NOTCH1: variants seen among roughly 807,000 people sequenced by gnomAD.
NOTCH1 encodes the protein notch receptor 1.
NOTCH1 carries 37 observed loss-of-function variants against 254.8 expected under a neutral mutation model. The ratio of observed to expected loss-of-function variants is 0.15; its 90% CI spans 0.11 to 0.19. The LOEUF (loss-of-function observed/expected upper bound fraction) is 0.19, where lower values mean the gene tolerates loss of function less well. Ranked by LOEUF, NOTCH1 falls within the 10% of genes least tolerant of loss-of-function variation. The pLI is 1.00. For missense variants in NOTCH1, 2,972 were observed against 3,708.6 expected (o/e 0.80, Z 5.16); for synonymous variants, 1,731 against 1,618.1 (o/e 1.07, Z -1.68).
intron 2 of NOTCH1, among the ~76,000 whole-genome samples, chr9:136,527,047 G>A (rs949876608): frequency 6.6e-6 from 1 of 152,226 alleles, no homozygotes; most frequent in African/African-American, 2.4e-5. Flanking sequence ...TAGCTGGGGG[G>A]AACCGGGCCG....
chr9:136,524,644 T>TTC, intron 2 of NOTCH1, among the ~76,000 whole-genome samples: 1 of 143,920 alleles, frequency 6.9e-6, no homozygotes, highest in African/African-American at 2.6e-5. Flanking sequence ...CTTTTCTTTT[T>TTC]TTTTTTTTTT....
intron 27 of NOTCH1, chr9:136,502,767 C>T (rs931376983): frequency 1.4e-5 from 8 of 570,856 alleles, no homozygotes; most frequent in South Asian, 4.1e-5. Context: ...TCGCTGCACT[C>T]GCACTGAGCT....
Position 136,502,437 on chromosome 9 carries a change from G to A in NOTCH1, c.5219C>T (p.Ala1740Val), listed in dbSNP as rs777962754. The change falls in exon 28 of 34, where the codon GCG becomes GTG. Residue 1740 changes from alanine to valine, a missense_variant. Ala to Val is a moderately conservative substitution (Grantham distance 64). Coordinates refer to ENST00000651671, the MANE Select transcript of NOTCH1 (RefSeq NM_017617.5). ...GAACAGAAGCACAAAGGCGGCCGCC[G>A]CCACGTACATGAAGTGCAGCTGCGC... ...PPAQLHFMYV[A>V]AAAFVLLFFV... The A allele has an allele frequency of 2.6e-5, 41 of 1,607,372 alleles. No homozygotes were observed. The highest frequency in any genetic ancestry group is 2.2e-4 in the East Asian group (10 of 44,740).
chr9:136,533,389 T>C (rs1288716475), intron 2 of NOTCH1, among the ~76,000 whole-genome samples: 2 of 152,220 alleles, frequency 1.3e-5, no homozygotes, highest in African/African-American at 2.4e-5. Flanking sequence ...AAACCTCTCA[T>C]TTCCAGTAAC....
chr9:136,526,091 C>T (rs1009566819), intron 2 of NOTCH1, among the ~76,000 whole-genome samples: 15 of 152,228 alleles, frequency 9.9e-5, no homozygotes, highest in African/African-American at 1.4e-4. Flanking sequence ...CCCATGTGGC[C>T]GGTCACTCCG....
chr9:136,510,618 T>G, intron 17 of NOTCH1, 35 bp downstream of exon 17: 8 of 1,591,824 alleles, frequency 5.0e-6, no homozygotes, highest in Non-Finnish European at 6.8e-6. Flanking sequence ...GCCTGAGAGC[T>G]TCCTGGAGGA....
At chr9:136,528,488 G>A (rs1268647654) in intron 2 of NOTCH1, among the ~76,000 whole-genome samples, 6 of 142,858 alleles carry the variant, frequency 4.2e-5, no homozygotes, top group South Asian at 4.5e-4. Context: ...GGGACAGTGC[G>A]GGGAATGGGC....
chr9:136,542,050 A>C (rs1843739964), intron 2 of NOTCH1, among the ~76,000 whole-genome samples: 1 of 152,208 alleles, frequency 6.6e-6, no homozygotes, highest in African/African-American at 2.4e-5. Flanking sequence ...AGGTTTGGGG[A>C]ATGGGAAAGT....
intron 26 of NOTCH1, 46 bp downstream of exon 26, chr9:136,504,627 C>T (rs934182455): frequency 6.8e-7 from 1 of 1,473,230 alleles, no homozygotes; most frequent in Non-Finnish European, 9.0e-7. Context: ...CGGGGAGGGC[C>T]CAGGAGAGTT....
intron 2 of NOTCH1, among the ~76,000 whole-genome samples, chr9:136,535,568 TGG>T (rs1401115582): frequency 1.6e-3 from 38 of 23,620 alleles, no homozygotes; most frequent in Non-Finnish European, 1.9e-3. Flanking sequence ...GCATGGTGGG[TGG>T]AGGGGGGAGC....
At position 136,495,967 on chromosome 9, in the gene NOTCH1, A is replaced by T. The variant is rs1589052185; in HGVS notation, c.*104T>A. 8.4e-7 allele frequency: 1 copy of T among 1,185,648 alleles called. No individual in the cohort carries two copies. The highest frequency in any genetic ancestry group is 2.5e-5 in the East Asian group (1 of 39,234). 73.4% of individuals were successfully genotyped at this position (1,185,648 alleles called of 1,614,324 possible). On this transcript the variant is annotated 3_prime_UTR_variant, in exon 34 of 34. Transcript: ENST00000651671. ...CCTCGTTCTTATTTTGTATAAAAAC[A>T]TGTGTTTTAAAAAGGCTCCTCTGGT...
intron 9 of NOTCH1, among the ~76,000 whole-genome samples, chr9:136,516,930 G>A (rs939539265): frequency 7.3e-5 from 11 of 151,298 alleles, no homozygotes; most frequent in African/African-American, 2.7e-4. Flanking sequence ...AGAAGGCCGG[G>A]GTGCAGACGG....
rs536299678 is a variant in NOTCH1, at chr9:136,523,964, G to A, written c.156C>T (p.Phe52=). 465 of 1,556,182 alleles carry A rather than the reference G, an allele frequency of 3.0e-4. 3 individuals are homozygous for A. The South Asian group carries it at 3.2e-3, about 11-fold the overall frequency. ...GTEACVCGGA[F]VGPRCQDPNP... is the part of the protein sequence containing the mutation. ...TGGGGTCCTGGCATCGCGGGCCCAC[G>A]AAGGCCCCGCCACAGCTGTTGGCAG... Residue 52 remains phenylalanine, a synonymous_variant, in exon 3 of 34, where the codon TTC becomes TTT. Transcript: ENST00000651671.
At chr9:136,511,744 G>A (rs1025155201) in intron 15 of NOTCH1, among the ~76,000 whole-genome samples, 1 of 152,212 alleles carries the variant, frequency 6.6e-6, no homozygotes, top group Non-Finnish European at 1.5e-5. Context: ...GGCAGCAAAC[G>A]CCCATCACGG....
At chr9:136,517,244 G>T in intron 9 of NOTCH1, 28 bp downstream of exon 9, 1 of 1,458,614 alleles carries the variant, frequency 6.9e-7, no homozygotes, top group Non-Finnish European at 9.5e-7. Context: ...CAGACGACCC[G>T]GGGGCAGGGG....
Position 136,513,327 on chromosome 9 carries a change from C to A in NOTCH1, c.2353+65G>T. On this transcript the variant is annotated intron_variant, in intron 14 of 33. Transcript: ENST00000651671. This position sits in a 1 kb window ranked among gnomAD's most constrained non-coding sequence, Gnocchi z 4.7. ...TGCTGGCTGGACCTGGGTCCCGATC[C>A]TGTGTCTCCAGCTCCCCAGACTCGA... is the stretch of plus-strand genomic sequence containing the variant. 6.2e-7 allele frequency: 1 copy of A among 1,608,430 alleles called. No individual in the cohort carries two copies. Among genetic ancestry groups the A allele is most frequent in the South Asian group, 1.1e-5 (1 of 90,832 alleles).
chr9:136,535,939 T>TC (rs1237865279), intron 2 of NOTCH1, among the ~76,000 whole-genome samples: 1 of 20,306 alleles, frequency 4.9e-5, no homozygotes, highest in Middle Eastern at 0.033. Context: ...GCAGGGTGGG[T>TC]GGAGAGGGGA....
rs2133360816 is a variant in NOTCH1 at position 136,514,597 on chromosome 9, C to A, written c.2120G>T (p.Gly707Val). 1 of 1,609,366 alleles carries A rather than the reference C, an allele frequency of 6.2e-7. No individual in the cohort carries two copies. The highest frequency in any genetic ancestry group is 8.5e-7 in the Non-Finnish European group (1 of 1,178,814). Residue 707 changes from glycine (G) to valine (V), a missense_variant, in exon 13 of 34, where the codon GGC becomes GTC. Gly to Val is a moderately radical substitution (Grantham distance 109). Transcript: ENST00000651671. ...INGFTCRCPE[G>V]YHDPTCLSEV... ...AGACAGGCAGGTGGGGTCGTGGTAG[C>A]CCTCGGGGCAGCGGCAGGTGAAGCC...
In NOTCH1 at chr9:136,513,406, C is replaced by T. The variant is rs750859847; in HGVS notation, c.2339G>A (p.Arg780Gln). 5.1e-5 allele frequency: 83 copies of T among 1,612,750 alleles called. No individual in the cohort carries two copies. The South Asian group carries it at 8.0e-4, about 16-fold the overall frequency. Residue 780 changes from arginine (R) to glutamine (Q), a missense_variant, in exon 14 of 34, where the codon CGG becomes CAG. By Grantham distance (43) the Arg-to-Gln change is conservative (BLOSUM62 1). Around this residue, in one of 8 missense-constraint regions of NOTCH1, gnomAD observed 1,343 missense variants for 1,557.0 expected, o/e 0.86. Transcript: ENST00000651671. The surrounding 1 kb of genome is among the most constrained non-coding windows in gnomAD (Gnocchi z 4.7). ...AGCCCACTCACCGCTGAAGCCCTCC[C>T]GGCAGGTGCACACGTAGCCACTGGT... is the stretch of plus-strand genomic sequence containing the variant. ...DMTSGYVCTC[R>Q]EGFSGPNCQT...
Sources: gnomAD v4.1 joint callset for allele counts (sites outside exome capture counted in the v4.1 genomes callset) on GRCh38, gnomAD v4.1.1 for gene constraint, gnomAD v4.1.1 regional missense constraint, Gnocchi (gnomAD v3.1) non-coding constraint, MANE v1.5 for transcripts, NCBI Gene and HGNC (gene_info 2026-07-23, HGNC 2026-07-21) for gene names.